The following PKP1 variants were observed in gnomAD, a reference collection of about 807,000 sequenced individuals.
The protein encoded by PKP1 is plakophilin 1.
PKP1 carries 27 observed loss-of-function variants against 76.4 expected under a neutral mutation model. The ratio of observed to expected loss-of-function variants is 0.35; its 90% CI spans 0.26 to 0.49. The LOEUF (loss-of-function observed/expected upper bound fraction) is 0.49, where lower values mean the gene tolerates loss of function less well. PKP1 is among the 20% of genes least tolerant of loss of function. The pLI, the probability that PKP1 is intolerant of heterozygous loss-of-function variation, is 0.99. For synonymous variants in PKP1, 404 were observed against 384.2 expected, an observed-to-expected ratio of 1.05 and a Z score of -0.60; for missense variants, 964 against 955.2, an observed-to-expected ratio of 1.01 and a Z score of -0.12.
At position 201,330,800 on chromosome 1, in the gene PKP1, G is replaced by C. The variant is rs985183680; in HGVS notation, c.*759G>C. 6.6e-6 allele frequency: 1 copy of C among 152,272 alleles called. No individual in the cohort carries two copies. Among genetic ancestry groups the C allele is most frequent in the African/African-American group, 2.4e-5 (1 of 41,450 alleles). 9.4% of individuals were successfully genotyped at this position (152,272 alleles called of 1,614,324 possible). A position where few individuals can be genotyped will look rare whatever the true frequency, so the allele number is the denominator to read the frequency against. ...TTCCAGAGGACAGCAGGACACTCTC[G>C]CATACTTTGCCAAATGAGGCCTGCT... On this transcript the variant is annotated 3_prime_UTR_variant, in exon 14 of 14. Coordinates refer to ENST00000367324, the MANE Select transcript of PKP1 (RefSeq NM_001005337.3).
At chr1:201,288,737 A>G (rs573983820) in intron 1 of PKP1, among the ~76,000 whole-genome samples, 23 of 150,994 alleles carry the variant, frequency 1.5e-4, no homozygotes, top group Admixed American at 4.0e-4. Flanking sequence ...CTAACCCACC[A>G]CCCTGCCCCC....
chr1:201,286,071 T>C (rs832164), intron 1 of PKP1, among the ~76,000 whole-genome samples: 94,757 of 152,156 alleles, frequency 0.62, 34,453 homozygotes, highest in East Asian at 0.86. Flanking sequence ...TTTCCTTGTC[T>C]TCTCCATCAG....
At chr1:201,295,396 CTT>C (rs1393745302) in intron 2 of PKP1, among the ~76,000 whole-genome samples, 5 of 152,164 alleles carry the variant, frequency 3.3e-5, no homozygotes, top group Non-Finnish European at 1.5e-5. Flanking sequence ...AAATGACACT[CTT>C]AGTGCAAAAT....
rs775916111 is a variant in PKP1 at position 201,325,709 on chromosome 1, A to T, written c.2022-45A>T. The stretch of plus-strand genomic sequence containing the variant: ...GAGGGAAGAGGGTGCTCCTTCTCAC[A>T]CCTCCTGGAATCTCATCTCACAAAT... On this transcript the variant is annotated intron_variant, in intron 11 of 13. Transcript: ENST00000367324. 4 of 1,454,406 alleles carry T rather than the reference A, an allele frequency of 2.8e-6. No homozygotes were observed. In the South Asian group the frequency reaches 4.6e-5, roughly 17 times the overall value. The allele number at this position is 1,454,406 out of a possible 1,614,324, so 90.1% of individuals were successfully genotyped here. A position where few individuals can be genotyped will look rare whatever the true frequency, so the allele number is the denominator to read the frequency against.
chr1:201,325,679 G>A lies in PKP1; in HGVS notation c.2022-75G>A, dbSNP rs59614658. The A allele has an allele frequency of 1.4e-3, 1,594 of 1,111,844 alleles. 20 individuals carry two copies. In the African/African-American group the frequency reaches 0.021, roughly 15 times the overall value. The allele number at this position is 1,111,844 out of a possible 1,614,324, so 68.9% of individuals were successfully genotyped here. On this transcript the variant is annotated intron_variant, in intron 11 of 13. Coordinates refer to ENST00000367324, the MANE Select transcript of PKP1 (RefSeq NM_001005337.3). The stretch of plus-strand genomic sequence containing the variant: ...CCTGTGTCCAGGCCCTGGCAGTGGG[G>A]GTGGGAGGGAAGAGGGTGCTCCTTC...
intron 2 of PKP1, among the ~76,000 whole-genome samples, chr1:201,307,417 T>C (rs781134065): frequency 1.3e-5 from 2 of 152,010 alleles, no homozygotes; most frequent in Admixed American, 6.6e-5. Context: ...GTCCCATCTG[T>C]TGTGACTCAG....
chr1:201,325,880 C>T, intron 12 of PKP1, 42 bp downstream of exon 12: 1 of 1,489,906 alleles, frequency 6.7e-7, no homozygotes. Flanking sequence ...GTTCTTCCTG[C>T]TCATGAGCAG....
Position 201,313,423 on chromosome 1 carries a change from C to G in PKP1, c.564C>G (p.Ser188Arg), listed in dbSNP as rs775128783. Residue 188 changes from serine (S) to arginine (R), a missense_variant, in exon 3 of 14, where the codon AGC (serine) becomes AGG (arginine). Physicochemically the swap from Ser to Arg is moderately radical, Grantham distance 110. Transcript: ENST00000367324. ...KTTQNRYSFY[S>R]TCSGQKAIKK... ...CCCAGAACCGCTACAGCTTTTACAG[C>G]ACCTGCAGTGGTCAGAAGGCCATAA... 6.3e-7 allele frequency: 1 copy of G among 1,596,736 alleles called. No individual in the cohort carries two copies. Among genetic ancestry groups the G allele is most frequent in the South Asian group, 1.1e-5 (1 of 88,062 alleles).
rs771415939 is a variant in PKP1, at chr1:201,323,002, T to G, written c.1504-11T>G. Reference sequence around the variant, plus strand: ...CCCCATTGACCCCCCTGACCGGCTCTTTATCCTCAGAACAACAACTATGAC... The same window carrying G: ...CCCCATTGACCCCCCTGACCGGCTCGTTATCCTCAGAACAACAACTATGAC... On this transcript the variant is annotated splice_polypyrimidine_tract_variant and intron_variant, in intron 8 of 13. Coordinates refer to ENST00000367324, the MANE Select transcript of PKP1 (RefSeq NM_001005337.3). The G allele has an allele frequency of 5.6e-6, 9 of 1,613,792 alleles. No individual in the cohort carries two copies. Among genetic ancestry groups the G allele is most frequent in the Non-Finnish European group, 6.8e-6 (8 of 1,179,842 alleles).
rs74136386 is a variant in PKP1 at position 201,320,367 on chromosome 1, C to A, written c.1333C>A (p.Arg445Ser). 3.1e-6 allele frequency: 5 copies of A among 1,611,594 alleles called. No individual in the cohort carries two copies. The South Asian group carries it at 5.5e-5, about 18-fold the overall frequency. Reference protein sequence around the residue: ...AYVQNCVAASRCDDKSVENCM... With the variant: ...AYVQNCVAASSCDDKSVENCM... Reference sequence around the variant, plus strand: ...TGTCCAGAACTGTGTAGCGGCCAGCCGCTGTGACGACAAGGTGAGTGCATC... The same window carrying A: ...TGTCCAGAACTGTGTAGCGGCCAGCAGCTGTGACGACAAGGTGAGTGCATC... The change falls in exon 7 of 14, where the codon CGC becomes AGC. Residue 445 changes from arginine to serine, a missense_variant. By Grantham distance (110) the Arg-to-Ser change is moderately radical. Transcript: ENST00000367324.
At chr1:201,307,148 C>G (rs1212755056) in intron 2 of PKP1, among the ~76,000 whole-genome samples, 1 of 152,156 alleles carries the variant, frequency 6.6e-6, no homozygotes, top group Non-Finnish European at 1.5e-5. Flanking sequence ...TCTCGGGGTG[C>G]TGGTGATGGC....
rs1292034994 is a variant in PKP1, at chr1:201,319,416, GTTTGTCTTGCTTTAATGGGA to G, written c.1232+630_1232+649del. ...GATCCCTTTTAGGGTCTTTAATGGGGTTTGTCTTGCTTTAATGGGATTTGTCTTTCCCAACTCCTGAGAAT... is the reference window on the plus strand; with the variant it reads ...GATCCCTTTTAGGGTCTTTAATGGGGTTTGTCTTTCCCAACTCCTGAGAAT... On this transcript the variant is annotated intron_variant, in intron 6 of 13. Coordinates refer to ENST00000367324, the MANE Select transcript of PKP1 (RefSeq NM_001005337.3). Among the ~76,000 whole-genome samples the G allele has an allele frequency of 3.3e-5, 5 of 152,162 alleles. No individual in the cohort carries two copies. The East Asian group carries it at 7.7e-4, about 23-fold the overall frequency.
In PKP1 at chr1:201,328,742, T is replaced by C; in HGVS notation, c.2107-20T>C. The C allele has an allele frequency of 6.2e-7, 1 of 1,612,542 alleles. No individual in the cohort carries two copies. Among genetic ancestry groups the C allele is most frequent in the Non-Finnish European group, 8.5e-7 (1 of 1,178,500 alleles). ...CCCACACAGTTTTGTGTCATTTGGT[T>C]GCTGTTTCTCCCTTTGCAGCAAGGT... is the stretch of plus-strand genomic sequence containing the variant. On this transcript the variant is annotated intron_variant, in intron 12 of 13. Coordinates refer to ENST00000367324, the MANE Select transcript of PKP1 (RefSeq NM_001005337.3).
chr1:201,302,524 C>A (rs1479686741), intron 2 of PKP1, among the ~76,000 whole-genome samples: 1 of 152,208 alleles, frequency 6.6e-6, no homozygotes, highest in Non-Finnish European at 1.5e-5. Flanking sequence ...CTAGACTCAG[C>A]GAGACAAATG....
Position 201,330,277 on chromosome 1 carries a change from T to C in PKP1, c.*236T>C, listed in dbSNP as rs900467095. The C allele has an allele frequency of 6.6e-6, 1 of 151,796 alleles. No individual in the cohort carries two copies. 9.4% of individuals were successfully genotyped at this position (151,796 alleles called of 1,614,324 possible). A position where few individuals can be genotyped will look rare whatever the true frequency, so the allele number is the denominator to read the frequency against. On this transcript the variant is annotated 3_prime_UTR_variant, in exon 14 of 14. Transcript: ENST00000367324. ...GAGGTTGGGGCGGTGGGGGCTTTCT[T>C]GAGTTAAAGGGGCTTATATGTGATG...
chr1:201,313,611 ACACC>A, intron 3 of PKP1, 51 bp downstream of exon 3: 1 of 1,582,124 alleles, frequency 6.3e-7, no homozygotes, highest in Non-Finnish European at 8.6e-7. Context: ...GTGGGGAGAC[ACACC>A]CTTAGCCTGA....
At chr1:201,310,289 C>T (rs2268164) in intron 2 of PKP1, among the ~76,000 whole-genome samples, 75,688 of 152,228 alleles carry the variant, frequency 0.5, 22,847 homozygotes, top group East Asian at 0.74. Context: ...CCCAACAATC[C>T]TCTATGTTGG....
At chr1:201,310,963 G>A (rs1283629287) in intron 2 of PKP1, among the ~76,000 whole-genome samples, 2 of 152,228 alleles carry the variant, frequency 1.3e-5, no homozygotes, top group African/African-American at 4.8e-5. Flanking sequence ...GGAAAGCAAA[G>A]CCCAAAGCCT....
chr1:201,323,334 G>A, intron 9 of PKP1, 145 bp downstream of exon 9: 1 of 770,472 alleles, frequency 1.3e-6, no homozygotes, highest in Admixed American at 2.0e-5. Flanking sequence ...CTGGGCTCTG[G>A]GCTGGGCAAT....
Sources: allele counts gnomAD v4.1 joint callset (sites outside exome capture counted in the v4.1 genomes callset), GRCh38; gene constraint gnomAD v4.1.1; transcripts MANE v1.5; gene names NCBI Gene and HGNC (gene_info 2026-07-23, HGNC 2026-07-21).